Variants in ARID2 observed in about 807,000 individuals in gnomAD.
The protein encoded by ARID2 is AT-rich interactive domain-containing protein 2.
In ARID2, 32 loss-of-function variants were observed where a neutral mutation model predicts 184.6. The observed-to-expected ratio is 0.17, with a 90% CI of 0.13 to 0.23. The LOEUF (loss-of-function observed/expected upper bound fraction) is 0.23. ARID2 is among the 10% of genes least tolerant of loss of function. The probability of loss-of-function intolerance (pLI) is 1.00; values close to 1 mark genes in which losing one functional copy is unlikely to be tolerated. For missense variants in ARID2, 1,696 were observed against 2,197.6 expected (o/e 0.77, Z 4.56); for synonymous variants, 836 against 772.6 (o/e 1.08, Z -1.36).
chr12:45,895,557 C>T (rs969669066), intron 20 of ARID2, among the ~76,000 whole-genome samples: 1 of 152,196 alleles, frequency 6.6e-6, no homozygotes, highest in Non-Finnish European at 1.5e-5. Context: ...TTTTTTGAGA[C>T]AGAGTCTCGC....
intron 16 of ARID2, among the ~76,000 whole-genome samples, chr12:45,890,659 T>C (rs181282718): frequency 1.3e-3 from 204 of 152,320 alleles, no homozygotes; most frequent in Middle Eastern, 0.01. Flanking sequence ...AAATTAAATA[T>C]ATAACTTACT....
intron 15 of ARID2, among the ~76,000 whole-genome samples, chr12:45,860,201 C>T (rs192854383): frequency 1.3e-5 from 2 of 152,282 alleles, no homozygotes. Context: ...GCCCAGGCAA[C>T]AGAACAAGAC....
At chr12:45,902,158 T>A (rs1449425367) in intron 20 of ARID2, among the ~76,000 whole-genome samples, 1 of 152,202 alleles carries the variant, frequency 6.6e-6, no homozygotes, top group African/African-American at 2.4e-5. Flanking sequence ...CTTTGTTAAA[T>A]CATCTCAAAA....
At chr12:45,793,836 G>T (rs1233088582) in intron 3 of ARID2, among the ~76,000 whole-genome samples, 1 of 149,734 alleles carries the variant, frequency 6.7e-6, no homozygotes, top group Non-Finnish European at 1.5e-5. Context: ...AAAAAAAAAA[G>T]TCATTTCTTT....
At chr12:45,868,993 G>C (rs1417639972) in intron 16 of ARID2, among the ~76,000 whole-genome samples, 1 of 150,480 alleles carries the variant, frequency 6.6e-6, no homozygotes, top group Non-Finnish European at 1.5e-5. Flanking sequence ...TGCCAAGAAA[G>C]GCATGTTGGG....
intron 11 of ARID2, among the ~76,000 whole-genome samples, chr12:45,845,831 C>T (rs1438765133): frequency 1.3e-5 from 2 of 152,086 alleles, no homozygotes; most frequent in Admixed American, 6.6e-5. Context: ...AATCTGTGTG[C>T]TTAAAAACTA....
Position 45,891,760 on chromosome 12 carries a change from A to G in ARID2, c.4923-20A>G, listed in dbSNP as rs368570402. The G allele has an allele frequency of 6.2e-7, 1 of 1,608,286 alleles. No homozygotes were observed. The highest frequency in any genetic ancestry group is 1.1e-5 in the South Asian group (1 of 89,362). ...TATACTTGAATACATCCAAGTGTCT[A>G]CTACTTTTATTTTTTATAGGTGGTT... On this transcript the variant is annotated intron_variant, in intron 16 of 20. Transcript: ENST00000334344.
rs1362533296 is a variant in ARID2, at chr12:45,905,940, C to CTTT, written c.*871_*873dup. 13 of 179,064 alleles carry CTTT rather than the reference C, an allele frequency of 7.3e-5. No homozygotes were observed. The highest frequency in any genetic ancestry group is 3.6e-4 in the African/African-American group (13 of 36,118). The allele number at this position is 179,064 out of a possible 1,614,324, so 11.1% of individuals were successfully genotyped here. On this transcript the variant is annotated 3_prime_UTR_variant, in exon 21 of 21. Transcript: ENST00000334344. ...GAACTGTGATTTTTTTTTCTTTTTT[C>CTTT]TTTTTTTTTTTCTTTTTTTTTTTGT...
At chr12:45,812,088 T>C (rs1489964953) in intron 4 of ARID2, among the ~76,000 whole-genome samples, 2 of 151,888 alleles carry the variant, frequency 1.3e-5, no homozygotes, top group African/African-American at 4.8e-5. Flanking sequence ...TGATACTCTC[T>C]TGAGTGGAGT....
rs371608468 is a variant in ARID2 at position 45,848,787 on chromosome 12, G to A, written c.1581-49G>A. 23 of 1,466,526 alleles carry A rather than the reference G, an allele frequency of 1.6e-5. No homozygotes were observed. In the African/African-American group the frequency reaches 3.0e-4, roughly 19 times the overall value. 90.8% of individuals were successfully genotyped at this position (1,466,526 alleles called of 1,614,324 possible). The stretch of plus-strand genomic sequence containing the variant: ...CATGGCTTTAGTATATTTAAATATG[G>A]AGTTTCCTAGAGTATATTGTATAAT... On this transcript the variant is annotated intron_variant, in intron 12 of 20. Coordinates refer to ENST00000334344, the MANE Select transcript of ARID2 (RefSeq NM_152641.4).
intron 3 of ARID2, chr12:45,789,770 A>G (rs1942260986): frequency 6.6e-6 from 1 of 152,196 alleles, no homozygotes; most frequent in South Asian, 2.1e-4. Context: ...TGGAAATTGA[A>G]CCTTTTATCA....
Position 45,742,440 on chromosome 12 carries a change from C to T in ARID2, c.284+11126C>T, listed in dbSNP as rs865808239. Among the ~76,000 whole-genome samples the T allele has an allele frequency of 1.9e-4, 29 of 152,116 alleles. No individual in the cohort carries two copies. In the South Asian group the frequency reaches 2.9e-3, roughly 15 times the overall value. The stretch of plus-strand genomic sequence containing the variant: ...TATACCATCTAGGTTTGTGTAAGTG[C>T]GTTTTGTGATGTTTGTTGAATTATG... On this transcript the variant is annotated intron_variant, in intron 3 of 20. Coordinates refer to ENST00000334344, the MANE Select transcript of ARID2 (RefSeq NM_152641.4).
intron 16 of ARID2, 89 bp downstream of exon 16, chr12:45,861,038 A>C: frequency 1.6e-6 from 2 of 1,272,112 alleles, no homozygotes; most frequent in Non-Finnish European, 2.0e-6. Context: ...AGTTGCATGA[A>C]AATTTTCCTT....
chr12:45,862,016 T>G (rs1204942542), intron 16 of ARID2, among the ~76,000 whole-genome samples: 4 of 152,252 alleles, frequency 2.6e-5, no homozygotes, highest in African/African-American at 9.6e-5. Context: ...GATATTATAC[T>G]TTATTGTAAA....
In ARID2 at chr12:45,845,702, A is replaced by T. The variant is rs535947890; in HGVS notation, c.1499-1154A>T. On this transcript the variant is annotated intron_variant, in intron 11 of 20. Coordinates refer to ENST00000334344, the MANE Select transcript of ARID2 (RefSeq NM_152641.4). The stretch of plus-strand genomic sequence containing the variant: ...TCAAAGGTTATGATTGCCTCAGATC[A>T]TTCACACATTTGGCTGTACTATGGA... Among the ~76,000 whole-genome samples the T allele has an allele frequency of 4.6e-5, 7 of 152,310 alleles. No individual in the cohort carries two copies. In the South Asian group the frequency reaches 1.4e-3, roughly 32 times the overall value.
chr12:45,755,091 C>T (rs911287818), intron 3 of ARID2, among the ~76,000 whole-genome samples: 5 of 152,174 alleles, frequency 3.3e-5, no homozygotes, highest in South Asian at 2.1e-4. Flanking sequence ...GCATCGGAGG[C>T]GTTAACGCAT....
chr12:45,848,592 G>GTTTTTATATTT (rs1943484695), intron 12 of ARID2, among the ~76,000 whole-genome samples: 1 of 151,962 alleles, frequency 6.6e-6, no homozygotes, highest in Non-Finnish European at 1.5e-5. Context: ...GCTCTCATTG[G>GTTTTTATATTT]GATGTGAACA....
At chr12:45,743,431 G>T (rs1326408075) in intron 3 of ARID2, among the ~76,000 whole-genome samples, 5 of 152,062 alleles carry the variant, frequency 3.3e-5, no homozygotes, top group South Asian at 2.1e-4. Context: ...CTATTCACAG[G>T]TGTAGTCATA....
intron 3 of ARID2, among the ~76,000 whole-genome samples, chr12:45,744,277 C>T (rs1054213733): frequency 6.1e-4 from 93 of 152,056 alleles, no homozygotes; most frequent in African/African-American, 2.2e-3. Context: ...TTTAGTAATC[C>T]TGTGATATAT....
Sources: gnomAD v4.1 joint callset for allele counts (sites outside exome capture counted in the v4.1 genomes callset) on GRCh38, gnomAD v4.1.1 for gene constraint, MANE v1.5 for transcripts, NCBI Gene and HGNC (gene_info 2026-07-23, HGNC 2026-07-21) for gene names.